CORO2B: variants seen among roughly 807,000 people sequenced by gnomAD.
CORO2B encodes coronin-2B.
In CORO2B, 26 loss-of-function variants were observed where a neutral mutation model predicts 58.8. The ratio of observed to expected loss-of-function variants is 0.44; its 90% CI spans 0.32 to 0.61. The LOEUF (loss-of-function observed/expected upper bound fraction) is 0.61. Among genes scored for constraint, CORO2B ranks in the 20% least tolerant of loss-of-function variants. The pLI, the probability that CORO2B is intolerant of heterozygous loss-of-function variation, is 0.04. For synonymous variants in CORO2B, 242 were observed against 253.8 expected (o/e 0.95, Z 0.44); for missense variants, 460 against 645.1 (o/e 0.71, Z 3.11).
At position 68,601,456 on chromosome 15, in the gene CORO2B, C is replaced by T. The variant is rs567055061; in HGVS notation, c.15+22179C>T. Among the ~76,000 whole-genome samples, 7 of 152,276 alleles carry T rather than the reference C, an allele frequency of 4.6e-5. No homozygotes were observed. The South Asian group carries it at 6.2e-4, about 14-fold the overall frequency. Reference sequence around the variant, plus strand: ...AGTGTGGCAGAGGCCTCAGCCTGCACGGAGCTTACAGTCAAGAGTGGTGTG... The same window carrying T: ...AGTGTGGCAGAGGCCTCAGCCTGCATGGAGCTTACAGTCAAGAGTGGTGTG... On this transcript the variant is annotated intron_variant, in intron 1 of 11. Coordinates refer to ENST00000261861, the MANE Select transcript of CORO2B (RefSeq NM_006091.5).
intron 3 of CORO2B, among the ~76,000 whole-genome samples, chr15:68,701,966 G>A (rs966279774): frequency 2.0e-5 from 3 of 152,136 alleles, no homozygotes; most frequent in Non-Finnish European, 4.4e-5. Flanking sequence ...GCCCAGGCCG[G>A]GCACGGTAGC....
rs763744045 is a variant in CORO2B at position 68,719,250 on chromosome 15, GC to G, written c.1171+17del. The stretch of plus-strand genomic sequence containing the variant: ...ATCAACCGAGGTACCACAGCGGGGG[GC>G]TCCACAGAGCACAGGCGGCTGCAGC... On this transcript the variant is annotated intron_variant, in intron 10 of 11. Transcript: ENST00000261861. 7.4e-6 allele frequency: 12 copies of G among 1,611,276 alleles called. No homozygotes were observed. In the African/African-American group the frequency reaches 8.0e-5, roughly 11 times the overall value.
At chr15:68,660,531 T>A (rs1036227072) in intron 2 of CORO2B, among the ~76,000 whole-genome samples, 1 of 152,030 alleles carries the variant, frequency 6.6e-6, no homozygotes, top group Non-Finnish European at 1.5e-5. Context: ...CCACCACACC[T>A]GGCTAATTTT....
At chr15:68,651,167 C>T (rs1901627551) in intron 2 of CORO2B, among the ~76,000 whole-genome samples, 1 of 152,194 alleles carries the variant, frequency 6.6e-6, no homozygotes, top group Non-Finnish European at 1.5e-5. Flanking sequence ...AGTCTGGGGA[C>T]TATGGGACGC....
At chr15:68,682,346 A>G (rs1020815774) in intron 2 of CORO2B, among the ~76,000 whole-genome samples, 2 of 152,176 alleles carry the variant, frequency 1.3e-5, no homozygotes, top group Non-Finnish European at 2.9e-5. Flanking sequence ...CAGGAAGGCT[A>G]TGGGCAGGGT....
At chr15:68,615,034 CT>C (rs1240292880) in intron 1 of CORO2B, among the ~76,000 whole-genome samples, 1 of 152,206 alleles carries the variant, frequency 6.6e-6, no homozygotes, top group African/African-American at 2.4e-5. Flanking sequence ...AGGAGCTGGG[CT>C]TCTCAATGCT....
chr15:68,551,399 G>C, the CORO2B span, among the ~76,000 whole-genome samples: 1 of 152,162 alleles, frequency 6.6e-6, no homozygotes, highest in Non-Finnish European at 1.5e-5. Flanking sequence ...TCACCTTTGA[G>C]AGCCTTGCCT....
At chr15:68,681,165 A>G (rs1902766513) in intron 2 of CORO2B, among the ~76,000 whole-genome samples, 1 of 152,122 alleles carries the variant, frequency 6.6e-6, no homozygotes, top group African/African-American at 2.4e-5. Context: ...GTGAGCTGAG[A>G]TCGTGCCATT....
chr15:68,724,864 C>G (rs1413324589), intron 11 of CORO2B, among the ~76,000 whole-genome samples: 1 of 152,078 alleles, frequency 6.6e-6, no homozygotes, highest in African/African-American at 2.4e-5. Context: ...GGACATCTGT[C>G]AATATGCTTT....
At chr15:68,620,197 C>T (rs1231332127) in intron 1 of CORO2B, among the ~76,000 whole-genome samples, 1 of 152,184 alleles carries the variant, frequency 6.6e-6, no homozygotes, top group Non-Finnish European at 1.5e-5. Flanking sequence ...CAGGTGTGAG[C>T]CACCATGCCC....
chr15:68,710,727 T>G lies in CORO2B; in HGVS notation c.334-5T>G, dbSNP rs759174752. The G allele has an allele frequency of 1.1e-5, 18 of 1,598,182 alleles. No individual in the cohort carries two copies. The highest frequency in any genetic ancestry group is 1.5e-5 in the Non-Finnish European group (18 of 1,171,494). Reference sequence around the variant, plus strand: ...CCCAGCCTGGACCCTCATCTCCCTCTGCAGGTGCGGATCTGGGAGATCCCC... The same window carrying G: ...CCCAGCCTGGACCCTCATCTCCCTCGGCAGGTGCGGATCTGGGAGATCCCC... On this transcript the variant is annotated splice_region_variant and splice_polypyrimidine_tract_variant and intron_variant, in intron 3 of 11. Coordinates refer to ENST00000261861, the MANE Select transcript of CORO2B (RefSeq NM_006091.5). The surrounding 1 kb of genome is among the most constrained non-coding windows in gnomAD (Gnocchi z 4.1).
chr15:68,652,494 A>C (rs1901673765), intron 2 of CORO2B, among the ~76,000 whole-genome samples: 1 of 152,204 alleles, frequency 6.6e-6, no homozygotes, highest in South Asian at 2.1e-4. Context: ...CAGGGCTAGA[A>C]ACAGAGCTAC....
the CORO2B span, among the ~76,000 whole-genome samples, chr15:68,562,918 A>G: frequency 9.3e-4 from 141 of 150,880 alleles, 1 homozygote; most frequent in Admixed American, 1.7e-3. Context: ...TGGAGCTTGC[A>G]GTGAGCCGAG....
intron 2 of CORO2B, among the ~76,000 whole-genome samples, chr15:68,647,867 A>AG (rs932751510): frequency 1.3e-5 from 2 of 149,696 alleles, no homozygotes; most frequent in African/African-American, 2.5e-5. Flanking sequence ...TAAAAAAAAA[A>AG]AAAAGAAAAA....
intron 1 of CORO2B, among the ~76,000 whole-genome samples, chr15:68,611,673 A>G (rs1485975027): frequency 6.6e-6 from 1 of 152,124 alleles, no homozygotes. Context: ...GCTTCAAAGT[A>G]TGATTTTTAT....
intron 2 of CORO2B, among the ~76,000 whole-genome samples, chr15:68,649,510 T>A (rs185835764): frequency 3.9e-5 from 6 of 152,340 alleles, no homozygotes; most frequent in Admixed American, 3.9e-4. Context: ...ATTAAAATGA[T>A]GCTGTAGAGC....
the CORO2B span, among the ~76,000 whole-genome samples, chr15:68,547,473 C>T: frequency 6.6e-6 from 1 of 152,070 alleles, no homozygotes; most frequent in Non-Finnish European, 1.5e-5. Context: ...AATATTTTGC[C>T]AGCACTACTC....
At chr15:68,561,725 G>C in the CORO2B span, among the ~76,000 whole-genome samples, 1 of 152,228 alleles carries the variant, frequency 6.6e-6, no homozygotes. Context: ...GTACAGGACT[G>C]AAAGAGTGTA....
intron 2 of CORO2B, among the ~76,000 whole-genome samples, chr15:68,653,919 C>T (rs915788863): frequency 6.6e-6 from 1 of 151,830 alleles, no homozygotes; most frequent in African/African-American, 2.4e-5. Flanking sequence ...TCCGCCCCTC[C>T]AAGGGAATTC....
Sources: gnomAD v4.1 joint callset for allele counts (sites outside exome capture counted in the v4.1 genomes callset) on GRCh38, gnomAD v4.1.1 for gene constraint, Gnocchi (gnomAD v3.1) non-coding constraint, MANE v1.5 for transcripts, NCBI Gene and HGNC (gene_info 2026-07-23, HGNC 2026-07-21) for gene names.